The following LHPP variants were observed in gnomAD, a reference collection of about 807,000 sequenced individuals.
The protein encoded by LHPP is hLHPP.
Under a neutral mutation model 30.3 loss-of-function variants are expected in LHPP, and 24 were observed. The observed-to-expected ratio is 0.79, with a 90% CI of 0.57 to 1.11. LHPP has a LOEUF of 1.11. LHPP is among the 50% of genes most tolerant of loss of function. The probability of loss-of-function intolerance (pLI) is 0.00; values close to 1 mark genes in which losing one functional copy is unlikely to be tolerated. For missense variants in LHPP, 356 were observed against 367.2 expected, an observed-to-expected ratio of 0.97 and a Z score of 0.25; for synonymous variants, 150 against 157.1, an observed-to-expected ratio of 0.95 and a Z score of 0.34.
chr10:124,601,611 G>A (rs1392912900), intron 6 of LHPP, among the ~76,000 whole-genome samples: 2 of 152,246 alleles, frequency 1.3e-5, no homozygotes, highest in Admixed American at 6.5e-5. Context: ...CAGTCAGTGG[G>A]GCAGTGAGAA....
chr10:124,612,443 C>T (rs970680890), intron 6 of LHPP, among the ~76,000 whole-genome samples: 16 of 152,114 alleles, frequency 1.1e-4, no homozygotes, highest in African/African-American at 2.9e-4. Flanking sequence ...GATGTCTCCA[C>T]GAACCCACCT....
intron 6 of LHPP, among the ~76,000 whole-genome samples, chr10:124,538,682 G>A (rs1955101150): frequency 6.6e-6 from 1 of 152,244 alleles, no homozygotes; most frequent in African/African-American, 2.4e-5. Context: ...TAGTCCATTT[G>A]TTGTTCTGAG....
At chr10:124,560,927 C>T (rs1214263487) in intron 6 of LHPP, among the ~76,000 whole-genome samples, 1 of 152,192 alleles carries the variant, frequency 6.6e-6, no homozygotes, top group African/African-American at 2.4e-5. Flanking sequence ...GTGCCTTTCC[C>T]TATTCCTCCT....
chr10:124,581,191 C>T (rs778420378), intron 6 of LHPP, among the ~76,000 whole-genome samples: 10 of 151,960 alleles, frequency 6.6e-5, no homozygotes, highest in Non-Finnish European at 7.4e-5. Flanking sequence ...TTTTACTCTG[C>T]GTGTTTTCAA....
chr10:124,535,215 G>A (rs768065048), intron 6 of LHPP, among the ~76,000 whole-genome samples: 2 of 152,162 alleles, frequency 1.3e-5, no homozygotes, highest in Admixed American at 6.5e-5. Flanking sequence ...CCCACCAGAC[G>A]CCTGTATGAG....
intron 1 of LHPP, among the ~76,000 whole-genome samples, chr10:124,465,006 AATC>A (rs796146794): frequency 4.1e-4 from 62 of 152,200 alleles, no homozygotes; most frequent in African/African-American, 1.4e-3. Context: ...CACACAGGTA[AATC>A]ATCCTCACAG....
chr10:124,480,050 C>T lies in LHPP; in HGVS notation c.126-4089C>T, dbSNP rs77541972. On this transcript the variant is annotated intron_variant, in intron 1 of 6. Transcript: ENST00000368842. Reference sequence around the variant, plus strand: ...GATCATGGATCCTGAGTGACACCACCGTCCTTACCCAGATGCAAGGCTCAG... The same window carrying T: ...GATCATGGATCCTGAGTGACACCACTGTCCTTACCCAGATGCAAGGCTCAG... Among the ~76,000 whole-genome samples, 338 of 152,288 alleles carry T rather than the reference C, an allele frequency of 2.2e-3. 1 individual carries two copies. The highest frequency in any genetic ancestry group is 7.8e-3 in the African/African-American group (324 of 41,560).
chr10:124,523,041 C>A lies in LHPP; in HGVS notation c.716+5770C>A, dbSNP rs1170477381. ...CTCTGTTCGCTGTTCCACGCCACAC[C>A]CTGCAGCCACCACCCAGTCAAAGGC... On this transcript the variant is annotated intron_variant, in intron 6 of 6. Transcript: ENST00000368842. The surrounding 1 kb of genome is among the most constrained non-coding windows in gnomAD (Gnocchi z 4.2). 6.6e-6 allele frequency among the ~76,000 whole-genome samples: 1 copy of A among 152,186 alleles called. No homozygotes were observed. The highest frequency in any genetic ancestry group is 6.5e-5 in the Admixed American group (1 of 15,280).
At chr10:124,594,954 G>T (rs1035401027) in intron 6 of LHPP, among the ~76,000 whole-genome samples, 2 of 152,144 alleles carry the variant, frequency 1.3e-5, no homozygotes, top group Non-Finnish European at 1.5e-5. Flanking sequence ...TTTGTCTTCT[G>T]CCATGATTGT....
chr10:124,554,466 G>A (rs1948252357), intron 6 of LHPP, among the ~76,000 whole-genome samples: 2 of 152,218 alleles, frequency 1.3e-5, no homozygotes, highest in African/African-American at 4.8e-5. Flanking sequence ...AAAATACTGG[G>A]ATTACAGGCA....
At chr10:124,465,098 A>G (rs912119565) in intron 1 of LHPP, among the ~76,000 whole-genome samples, 1 of 152,116 alleles carries the variant, frequency 6.6e-6, no homozygotes. Flanking sequence ...AGTGTGATGG[A>G]CGAGGGTGGC....
intron 5 of LHPP, among the ~76,000 whole-genome samples, chr10:124,502,856 T>G (rs1449713645): frequency 2.0e-5 from 3 of 150,760 alleles, no homozygotes; most frequent in Non-Finnish European, 4.4e-5. Context: ...TTTGTATTTT[T>G]AGTAGAGACA....
intron 3 of LHPP, among the ~76,000 whole-genome samples, chr10:124,488,858 G>A (rs1399181591): frequency 6.6e-6 from 1 of 152,180 alleles, no homozygotes; most frequent in Non-Finnish European, 1.5e-5. Context: ...GAGACCCTCT[G>A]GAGATCTCAG....
chr10:124,555,377 G>T (rs1225603493), intron 6 of LHPP, among the ~76,000 whole-genome samples: 1 of 152,186 alleles, frequency 6.6e-6, no homozygotes, highest in Non-Finnish European at 1.5e-5. Context: ...CCTCCCTGGA[G>T]GAAGGGAGGA....
chr10:124,544,999 C>G (rs1955298089), intron 6 of LHPP, among the ~76,000 whole-genome samples: 1 of 152,142 alleles, frequency 6.6e-6, no homozygotes, highest in African/African-American at 2.4e-5. Flanking sequence ...GTCTCCCTGT[C>G]TCTGCCCCAC....
chr10:124,545,062 G>A (rs1284533663), intron 6 of LHPP, among the ~76,000 whole-genome samples: 1 of 152,124 alleles, frequency 6.6e-6, no homozygotes, highest in Non-Finnish European at 1.5e-5. Context: ...CTCTAGGAGA[G>A]AGCTCTGCCT....
chr10:124,476,105 T>C (rs1012561072), intron 1 of LHPP, among the ~76,000 whole-genome samples: 8 of 152,042 alleles, frequency 5.3e-5, no homozygotes, highest in Non-Finnish European at 1.0e-4. Flanking sequence ...GAGGGTGTGC[T>C]GCGTGTTTTA....
chr10:124,472,236 C>G (rs1409477864), intron 1 of LHPP, among the ~76,000 whole-genome samples: 1 of 152,026 alleles, frequency 6.6e-6, no homozygotes, highest in Non-Finnish European at 1.5e-5. Context: ...TTGCTTGAAC[C>G]CGAGAGGCAG....
chr10:124,561,239 C>G (rs569863692), intron 6 of LHPP, among the ~76,000 whole-genome samples: 1 of 152,306 alleles, frequency 6.6e-6, no homozygotes, highest in South Asian at 2.1e-4. Flanking sequence ...AACCCTGTGG[C>G]CCCCTCAGCT....
Sources: allele counts gnomAD v4.1 joint callset (sites outside exome capture counted in the v4.1 genomes callset), GRCh38; gene constraint gnomAD v4.1.1; non-coding constraint Gnocchi (gnomAD v3.1); transcripts MANE v1.5; gene names NCBI Gene and HGNC (gene_info 2026-07-23, HGNC 2026-07-21).